The following VEGFC variants were observed in gnomAD, a reference collection of about 807,000 sequenced individuals.
VEGFC encodes the protein FLT4 ligand DHM.
In VEGFC, 12 loss-of-function variants were observed where a neutral mutation model predicts 46.1. The ratio of observed to expected loss-of-function variants is 0.26; its 90% CI spans 0.17 to 0.42. VEGFC has a LOEUF of 0.42. Ranked by LOEUF, VEGFC falls within the 10% of genes least tolerant of loss-of-function variation. The pLI is 1.00. For synonymous variants in VEGFC, 232 were observed against 195.5 expected (o/e 1.19, Z -1.56); for missense variants, 488 against 529.4 (o/e 0.92, Z 0.77).
intron 4 of VEGFC, among the ~76,000 whole-genome samples, chr4:176,708,090 A>G (rs1734567069): frequency 6.6e-6 from 1 of 151,888 alleles, no homozygotes; most frequent in Non-Finnish European, 1.5e-5. Context: ...CATACTGAGC[A>G]AAGTTAATAG....
chr4:176,725,256 G>A (rs1215135209), intron 3 of VEGFC, among the ~76,000 whole-genome samples: 34 of 152,122 alleles, frequency 2.2e-4, no homozygotes. Flanking sequence ...TACAAGCAAT[G>A]GGAAATCACT....
Position 176,729,746 on chromosome 4 carries a change from C to G in VEGFC, c.148G>C (p.Ala50Pro). The G allele has an allele frequency of 6.4e-7, 1 of 1,568,124 alleles. No homozygotes were observed. The highest frequency in any genetic ancestry group is 8.6e-7 in the Non-Finnish European group (1 of 1,158,264). The change falls in exon 2 of 7, where the codon GCT becomes CCT. Residue 50 changes from alanine to proline, a missense_variant and splice_region_variant. Physicochemically the swap from Ala to Pro is conservative, Grantham distance 27. Coordinates refer to ENST00000618562, the MANE Select transcript of VEGFC (RefSeq NM_005429.5). Reference protein sequence around the residue: ...DAEPDAGEATAYASKDLEEQL... With the variant: ...DAEPDAGEATPYASKDLEEQL... ...TCCTCCAGATCTTTGCTTGCATAAG[C>G]CTGTCAAAGAAAAATGCAAGATCAA... is the stretch of plus-strand genomic sequence containing the variant.
Position 176,690,705 on chromosome 4 carries a change from T to C in VEGFC, c.705-2778A>G, listed in dbSNP as rs184611906. Among the ~76,000 whole-genome samples the C allele has an allele frequency of 3.4e-4, 51 of 152,168 alleles. 1 individual carries two copies. The highest frequency in any genetic ancestry group is 7.7e-4 in the East Asian group (4 of 5,186). On this transcript the variant is annotated intron_variant, in intron 4 of 6. Transcript: ENST00000618562. ...ATACAACTTATATTAAGTTCTATAA[T>C]AGCAATGCAATTAATCCTGGCTGCA...
intron 1 of VEGFC, among the ~76,000 whole-genome samples, chr4:176,736,338 C>T (rs1397620460): frequency 3.3e-5 from 5 of 151,662 alleles, no homozygotes; most frequent in South Asian, 2.1e-4. Context: ...AACTACTTGT[C>T]GGCCTATGCA....
At chr4:176,707,861 G>A (rs1242489037) in intron 4 of VEGFC, among the ~76,000 whole-genome samples, 1 of 151,988 alleles carries the variant, frequency 6.6e-6, no homozygotes, top group African/African-American at 2.4e-5. Context: ...TACCTATGTG[G>A]GCCTATTGGC....
intron 1 of VEGFC, among the ~76,000 whole-genome samples, chr4:176,769,059 A>G (rs1453225371): frequency 1.3e-5 from 2 of 151,960 alleles, no homozygotes; most frequent in Non-Finnish European, 2.9e-5. Context: ...ATAAATTGGT[A>G]CCCTTATAAA....
At chr4:176,740,099 C>T (rs201042658) in intron 1 of VEGFC, among the ~76,000 whole-genome samples, 1,479 of 13,700 alleles carry the variant, frequency 0.11, 105 homozygotes, top group East Asian at 0.24. Context: ...ATATTCTATA[C>T]ATATATTCTA....
At chr4:176,718,626 A>G (rs1734733339) in intron 3 of VEGFC, among the ~76,000 whole-genome samples, 1 of 152,142 alleles carries the variant, frequency 6.6e-6, no homozygotes, top group Non-Finnish European at 1.5e-5. Context: ...GCTCATAGCA[A>G]GCTAGCTTCT....
chr4:176,696,514 G>A (rs1734316385), intron 4 of VEGFC, among the ~76,000 whole-genome samples: 1 of 149,250 alleles, frequency 6.7e-6, no homozygotes, highest in South Asian at 2.2e-4. Flanking sequence ...AACATTCCAT[G>A]CTCATGGGTA....
chr4:176,687,055 T>A (rs1734053974), intron 6 of VEGFC, 132 bp downstream of exon 6: 7 of 1,045,808 alleles, frequency 6.7e-6, no homozygotes, highest in Non-Finnish European at 9.6e-6. Context: ...TAAAAAAATA[T>A]AAGATTTTTG....
At chr4:176,695,401 C>T (rs1369837084) in intron 4 of VEGFC, among the ~76,000 whole-genome samples, 7 of 151,016 alleles carry the variant, frequency 4.6e-5, no homozygotes, top group South Asian at 2.1e-4. Flanking sequence ...AATTCCTCGA[C>T]ACATACACTC....
intron 1 of VEGFC, among the ~76,000 whole-genome samples, chr4:176,753,433 C>A (rs771993008): frequency 6.6e-6 from 1 of 152,024 alleles, no homozygotes; most frequent in Non-Finnish European, 1.5e-5. Context: ...TGGTCACTGG[C>A]AGCTACGATG....
At chr4:176,765,634 T>C (rs1016491234) in intron 1 of VEGFC, among the ~76,000 whole-genome samples, 21 of 150,608 alleles carry the variant, frequency 1.4e-4, no homozygotes, top group Middle Eastern at 3.4e-3. Context: ...CGGCTCACTG[T>C]AACCTCCGCC....
rs780698882 is a variant in VEGFC, at chr4:176,684,059, A to G, written c.1146-19T>C. The G allele has an allele frequency of 1.3e-6, 2 of 1,581,922 alleles. No homozygotes were observed. Among genetic ancestry groups the G allele is most frequent in the African/African-American group, 2.7e-5 (2 of 74,294 alleles). On this transcript the variant is annotated intron_variant, in intron 6 of 6. Coordinates refer to ENST00000618562, the MANE Select transcript of VEGFC (RefSeq NM_005429.5). Reference sequence around the variant, plus strand: ...GTAACAGCTAGGAGAACAAACAAGAACACACTTACGTTAAAGATCAAGGCA... The same window carrying G: ...GTAACAGCTAGGAGAACAAACAAGAGCACACTTACGTTAAAGATCAAGGCA...
In VEGFC at chr4:176,773,817, G is replaced by C. The variant is rs142801368; in HGVS notation, c.147+18348C>G. Among the ~76,000 whole-genome samples the C allele has an allele frequency of 8.4e-4, 127 of 151,894 alleles. 1 individual carries two copies. The highest frequency in any genetic ancestry group is 2.8e-3 in the African/African-American group (117 of 41,408). ...CCACCCTCGGCCTTCGGAGTACTTGGGTATATGCCACCATGCCTGGCTAAT... is the reference window on the plus strand; with the variant it reads ...CCACCCTCGGCCTTCGGAGTACTTGCGTATATGCCACCATGCCTGGCTAAT... On this transcript the variant is annotated intron_variant, in intron 1 of 6. Coordinates refer to ENST00000618562, the MANE Select transcript of VEGFC (RefSeq NM_005429.5).
intron 1 of VEGFC, among the ~76,000 whole-genome samples, chr4:176,759,352 A>C (rs1286295891): frequency 6.6e-6 from 1 of 152,162 alleles, no homozygotes; most frequent in Non-Finnish European, 1.5e-5. Flanking sequence ...TATGCTTAGC[A>C]ATATAAGCCA....
At chr4:176,751,812 A>C in intron 1 of VEGFC, among the ~76,000 whole-genome samples, 1 of 152,084 alleles carries the variant, frequency 6.6e-6, no homozygotes, top group East Asian at 1.9e-4. Context: ...AGATTTCTGA[A>C]GGCTTATATG....
chr4:176,711,455 T>C, intron 4 of VEGFC, 44 bp downstream of exon 4: 1 of 1,559,080 alleles, frequency 6.4e-7, no homozygotes, highest in Non-Finnish European at 8.7e-7. Context: ...AATAATTTAA[T>C]ATTAGTAGAG....
intron 1 of VEGFC, among the ~76,000 whole-genome samples, chr4:176,782,894 T>C (rs1036891752): frequency 2.0e-5 from 3 of 152,190 alleles, no homozygotes; most frequent in African/African-American, 7.2e-5. Flanking sequence ...CCTAGGGAAG[T>C]GAATACTTTC....
Sources: gnomAD v4.1 joint callset for allele counts (sites outside exome capture counted in the v4.1 genomes callset) on GRCh38, gnomAD v4.1.1 for gene constraint, MANE v1.5 for transcripts, NCBI Gene and HGNC (gene_info 2026-07-23, HGNC 2026-07-21) for gene names.